PCDH9: variants seen among roughly 807,000 people sequenced by gnomAD.
PCDH9 encodes the protein protocadherin-9.
In PCDH9, 24 loss-of-function variants were observed where a neutral mutation model predicts 70.6. That is an observed-to-expected ratio of 0.34 (90% CI 0.25 to 0.48). The LOEUF (loss-of-function observed/expected upper bound fraction) is 0.48. Ranked by LOEUF, PCDH9 falls within the 20% of genes least tolerant of loss-of-function variation. The pLI, the probability that PCDH9 is intolerant of heterozygous loss-of-function variation, is 0.99. For missense variants in PCDH9, 1,281 were observed against 1,503.6 expected (o/e 0.85, Z 2.45); for synonymous variants, 562 against 558.5 (o/e 1.01, Z -0.09).
At chr13:66,820,138 A>G (rs1183464213) in intron 3 of PCDH9, among the ~76,000 whole-genome samples, 1 of 152,156 alleles carries the variant, frequency 6.6e-6, no homozygotes, top group Non-Finnish European at 1.5e-5. Context: ...AATATATCCT[A>G]AATATTTTGT....
At position 67,229,983 on chromosome 13, in the gene PCDH9, T is replaced by C. The variant is rs1429453933; in HGVS notation, c.-339A>G. On this transcript the variant is annotated 5_prime_UTR_variant, in exon 1 of 5. The change abolishes an upstream ATG in the 5' untranslated region. Transcript: ENST00000377865. ...AAATTCACGGATTTGTCGTTAGTCA[T>C]TCTCTCCACATTTCGTCTCTCTTAC... 6.6e-6 allele frequency: 1 copy of C among 152,214 alleles called. No individual in the cohort carries two copies. The highest frequency in any genetic ancestry group is 2.4e-5 in the African/African-American group (1 of 41,442). 9.4% of individuals were successfully genotyped at this position (152,214 alleles called of 1,614,324 possible). A position where few individuals can be genotyped will look rare whatever the true frequency, so the allele number is the denominator to read the frequency against.
chr13:66,531,941 C>T (rs1465710814), intron 4 of PCDH9, among the ~76,000 whole-genome samples: 1 of 152,054 alleles, frequency 6.6e-6, no homozygotes, highest in Non-Finnish European at 1.5e-5. Context: ...ATCTATACAT[C>T]TCTAATTGCT....
At chr13:66,979,624 A>G (rs953592078) in intron 2 of PCDH9, among the ~76,000 whole-genome samples, 1 of 152,138 alleles carries the variant, frequency 6.6e-6, no homozygotes, top group African/African-American at 2.4e-5. Context: ...AGCCAAATCC[A>G]CATCTCCTTC....
intron 2 of PCDH9, 147 bp from the exon 3 acceptor site, chr13:66,903,752 A>G (rs2082314632): frequency 2.5e-6 from 1 of 405,126 alleles, no homozygotes; most frequent in Non-Finnish European, 4.5e-6. Flanking sequence ...ATTAAGATTG[A>G]GTCTTTACCA....
intron 4 of PCDH9, among the ~76,000 whole-genome samples, chr13:66,411,568 T>A (rs1419453280): frequency 6.6e-6 from 1 of 152,082 alleles, no homozygotes; most frequent in East Asian, 1.9e-4. Context: ...AATTAAATTA[T>A]CTCACCCAGC....
At chr13:66,588,261 AC>A (rs2076990287) in intron 4 of PCDH9, among the ~76,000 whole-genome samples, 1 of 151,832 alleles carries the variant, frequency 6.6e-6, no homozygotes, top group East Asian at 1.9e-4. Flanking sequence ...CTCCAGATTT[AC>A]CCAAACAACC....
At chr13:66,456,696 G>A (rs1038645275) in intron 4 of PCDH9, among the ~76,000 whole-genome samples, 1 of 151,988 alleles carries the variant, frequency 6.6e-6, no homozygotes. Flanking sequence ...TGTTCAAAAT[G>A]TCATAGCCTA....
chr13:66,552,035 C>T (rs1283117279), intron 4 of PCDH9, among the ~76,000 whole-genome samples: 1 of 152,062 alleles, frequency 6.6e-6, no homozygotes, highest in African/African-American at 2.4e-5. Flanking sequence ...TTATAGTTGT[C>T]AATCCCCTAT....
chr13:66,998,373 C>T (rs2084166515), intron 2 of PCDH9, among the ~76,000 whole-genome samples: 1 of 152,158 alleles, frequency 6.6e-6, no homozygotes, highest in Non-Finnish European at 1.5e-5. Flanking sequence ...ACCACACATG[C>T]CAATTAGCTA....
At chr13:66,786,524 G>T (rs576433048) in intron 3 of PCDH9, among the ~76,000 whole-genome samples, 3 of 152,290 alleles carry the variant, frequency 2.0e-5, no homozygotes, top group Middle Eastern at 3.4e-3. Flanking sequence ...TCTCAGTGAC[G>T]TTATTGAGCT....
At chr13:66,784,107 G>A (rs1266439523) in intron 3 of PCDH9, among the ~76,000 whole-genome samples, 1 of 152,072 alleles carries the variant, frequency 6.6e-6, no homozygotes, top group African/African-American at 2.4e-5. Flanking sequence ...ATATGTTGAG[G>A]ATGCTGTTTA....
chr13:66,304,487 T>C lies in PCDH9; in HGVS notation c.*168A>G. 1.7e-6 allele frequency: 1 copy of C among 591,992 alleles called. No individual in the cohort carries two copies. The highest frequency in any genetic ancestry group is 3.0e-6 in the Non-Finnish European group (1 of 334,310). The allele number at this position is 591,992 out of a possible 1,614,324, so 36.7% of individuals were successfully genotyped here. On this transcript the variant is annotated 3_prime_UTR_variant, in exon 5 of 5. Transcript: ENST00000377865. ...CAAAATTGCATGGCTAGAACTATCT[T>C]CTCTCATATGTTGCAAAAACATTGT...
chr13:66,477,934 C>G (rs573291858), intron 4 of PCDH9, among the ~76,000 whole-genome samples: 1 of 152,272 alleles, frequency 6.6e-6, no homozygotes, highest in Admixed American at 6.5e-5. Context: ...AGGCATACCT[C>G]TTTTTATTGT....
chr13:67,188,006 T>C (rs1198987792), intron 2 of PCDH9, among the ~76,000 whole-genome samples: 2 of 152,136 alleles, frequency 1.3e-5, no homozygotes, highest in Non-Finnish European at 1.5e-5. Context: ...CTATAGTTGG[T>C]ACCGAACACT....
At chr13:66,643,983 A>G (rs1461256504) in intron 3 of PCDH9, among the ~76,000 whole-genome samples, 1 of 152,026 alleles carries the variant, frequency 6.6e-6, no homozygotes, top group Non-Finnish European at 1.5e-5. Context: ...ATTAAAATTT[A>G]AGAACAATAA....
At chr13:67,015,397 G>A (rs755938753) in intron 2 of PCDH9, among the ~76,000 whole-genome samples, 1 of 152,048 alleles carries the variant, frequency 6.6e-6, no homozygotes, top group Non-Finnish European at 1.5e-5. Flanking sequence ...ATCAAACTTT[G>A]TTAGTTATCC....
At chr13:66,988,409 C>T (rs531300555) in intron 2 of PCDH9, among the ~76,000 whole-genome samples, 2 of 152,084 alleles carry the variant, frequency 1.3e-5, no homozygotes, top group African/African-American at 2.4e-5. Context: ...GAAACAACAG[C>T]TCCTTATGCT....
intron 4 of PCDH9, among the ~76,000 whole-genome samples, chr13:66,379,545 C>T (rs1410708478): frequency 6.6e-6 from 1 of 152,030 alleles, no homozygotes; most frequent in African/African-American, 2.4e-5. Flanking sequence ...TTGTATGACA[C>T]CAATTCTGCA....
At chr13:67,170,713 C>A (rs1055208409) in intron 2 of PCDH9, among the ~76,000 whole-genome samples, 1 of 152,164 alleles carries the variant, frequency 6.6e-6, no homozygotes, top group South Asian at 2.1e-4. Context: ...ATGCTTGAAG[C>A]CAAGACTTCA....
Sources: allele counts gnomAD v4.1 joint callset (sites outside exome capture counted in the v4.1 genomes callset), GRCh38; gene constraint gnomAD v4.1.1; transcripts MANE v1.5; gene names NCBI Gene and HGNC (gene_info 2026-07-23, HGNC 2026-07-21).